Variants in BCKDHB observed in about 807,000 individuals in gnomAD.
The protein encoded by BCKDHB is 2-oxoisovalerate dehydrogenase subunit beta, mitochondrial.
Under a neutral mutation model 48.5 loss-of-function variants are expected in BCKDHB, and 41 were observed. That is an observed-to-expected ratio of 0.85 (90% CI 0.66 to 1.10). BCKDHB has a LOEUF of 1.10. Among genes scored for constraint, BCKDHB ranks in the 50% least tolerant of loss-of-function variants. The pLI, the probability that BCKDHB is intolerant of heterozygous loss-of-function variation, is 0.00. For synonymous variants in BCKDHB, 201 were observed against 174.8 expected (o/e 1.15, Z -1.18); for missense variants, 496 against 494.2 (o/e 1.00, Z -0.03).
chr6:80,211,829 G>A (rs1774948250), intron 8 of BCKDHB, among the ~76,000 whole-genome samples: 1 of 152,086 alleles, frequency 6.6e-6, no homozygotes, highest in African/African-American at 2.4e-5. Flanking sequence ...GGCCACCGGG[G>A]GTGACATCAC....
chr6:80,434,377 A>G, the BCKDHB span, among the ~76,000 whole-genome samples: 1 of 151,574 alleles, frequency 6.6e-6, no homozygotes, highest in Non-Finnish European at 1.5e-5. Flanking sequence ...AAAGTAGAGT[A>G]TTATTTTAAT....
the BCKDHB span, among the ~76,000 whole-genome samples, chr6:80,438,831 A>C: frequency 1.3e-5 from 2 of 152,220 alleles, no homozygotes; most frequent in Non-Finnish European, 2.9e-5. Context: ...AAAGGATCCA[A>C]AATACAGTGG....
At chr6:80,351,885 G>A in the BCKDHB span, among the ~76,000 whole-genome samples, 28 of 149,880 alleles carry the variant, frequency 1.9e-4, no homozygotes, top group African/African-American at 5.9e-4. Flanking sequence ...GCAATGGCGC[G>A]ATCTCAGCTC....
chr6:80,183,302 A>T (rs913747682), intron 6 of BCKDHB, among the ~76,000 whole-genome samples: 1 of 152,156 alleles, frequency 6.6e-6, no homozygotes, highest in Non-Finnish European at 1.5e-5. Context: ...GGCAAGACTC[A>T]ATAAAGTAAC....
At chr6:80,204,416 C>T (rs1290368689) in intron 8 of BCKDHB, among the ~76,000 whole-genome samples, 11 of 152,072 alleles carry the variant, frequency 7.2e-5, no homozygotes, top group South Asian at 4.1e-4. Flanking sequence ...ATGAAAATAA[C>T]GCTTTTTGCA....
intron 9 of BCKDHB, among the ~76,000 whole-genome samples, chr6:80,326,449 G>A (rs1769034029): frequency 6.6e-6 from 1 of 152,154 alleles, no homozygotes; most frequent in African/African-American, 2.4e-5. Flanking sequence ...ATAGGTTATA[G>A]GAGCAAGAAA....
intron 3 of BCKDHB, among the ~76,000 whole-genome samples, chr6:80,137,394 T>C: frequency 6.6e-6 from 1 of 152,272 alleles, no homozygotes. Flanking sequence ...TATTTCTCTA[T>C]TTATTTGTTT....
At chr6:80,300,512 GT>G (rs1385925976) in intron 9 of BCKDHB, among the ~76,000 whole-genome samples, 2 of 152,204 alleles carry the variant, frequency 1.3e-5, no homozygotes, top group African/African-American at 4.8e-5. Flanking sequence ...TCATAAAACA[GT>G]TTCTTCTTGG....
the BCKDHB span, among the ~76,000 whole-genome samples, chr6:80,441,417 A>C: frequency 6.6e-6 from 1 of 152,166 alleles, no homozygotes; most frequent in African/African-American, 2.4e-5. Context: ...AAACTGAAAG[A>C]GGTTAATATC....
chr6:80,326,078 C>A (rs1183707654), intron 9 of BCKDHB, among the ~76,000 whole-genome samples: 1 of 152,102 alleles, frequency 6.6e-6, no homozygotes, highest in South Asian at 2.1e-4. Flanking sequence ...GTGACAAATA[C>A]ACTATATTAG....
intron 1 of BCKDHB, among the ~76,000 whole-genome samples, chr6:80,107,514 CATATAT>C (rs71668410): frequency 4.1e-5 from 1 of 24,664 alleles, no homozygotes; most frequent in Non-Finnish European, 8.7e-5. Flanking sequence ...TATATGTGCG[CATATAT>C]ATATATATGC....
Position 80,257,170 on chromosome 6 carries a change from A to G in BCKDHB, c.952-15965A>G, listed in dbSNP as rs114291857. ...CTGCTATGCACTGATGCCCTGAAGC[A>G]CAGCAGTGAAAAAACAGTCTGTCCT... On this transcript the variant is annotated intron_variant, in intron 8 of 9. Coordinates refer to ENST00000320393, the MANE Select transcript of BCKDHB (RefSeq NM_183050.4). 9.9e-3 allele frequency among the ~76,000 whole-genome samples: 1,512 copies of G among 152,226 alleles called. 23 individuals carry two copies. Among genetic ancestry groups the G allele is most frequent in the African/African-American group, 0.035 (1,435 of 41,548 alleles).
At chr6:80,219,799 G>A (rs193280561) in intron 8 of BCKDHB, among the ~76,000 whole-genome samples, 97 of 152,262 alleles carry the variant, frequency 6.4e-4, no homozygotes, top group African/African-American at 2.3e-3. Context: ...AGTATTCTAG[G>A]TTCACAGTAA....
At chr6:80,302,156 C>G (rs1251946532) in intron 9 of BCKDHB, among the ~76,000 whole-genome samples, 1 of 152,098 alleles carries the variant, frequency 6.6e-6, no homozygotes, top group Non-Finnish European at 1.5e-5. Flanking sequence ...CCAGAGCAAT[C>G]AGGCAAGAGA....
intron 8 of BCKDHB, among the ~76,000 whole-genome samples, chr6:80,260,843 T>A (rs1199261558): frequency 2.0e-5 from 3 of 152,160 alleles, no homozygotes; most frequent in Non-Finnish European, 2.9e-5. Context: ...TGGGCAAAGA[T>A]AACATAACAG....
At chr6:80,247,398 C>T (rs1283627804) in intron 8 of BCKDHB, among the ~76,000 whole-genome samples, 1 of 152,206 alleles carries the variant, frequency 6.6e-6, no homozygotes, top group African/African-American at 2.4e-5. Flanking sequence ...AAGAAGAATA[C>T]TCAATCAGCT....
intron 8 of BCKDHB, among the ~76,000 whole-genome samples, chr6:80,258,358 G>A (rs1316864771): frequency 6.6e-6 from 1 of 152,164 alleles, no homozygotes; most frequent in Non-Finnish European, 1.5e-5. Flanking sequence ...GGGTTTGAAG[G>A]GGCAATGGGT....
At chr6:80,232,033 C>T (rs575427542) in intron 8 of BCKDHB, among the ~76,000 whole-genome samples, 2 of 152,190 alleles carry the variant, frequency 1.3e-5, no homozygotes, top group African/African-American at 4.8e-5. Context: ...TTCCAATAAA[C>T]CTTTTAAAAT....
chr6:80,373,529 A>G, the BCKDHB span, among the ~76,000 whole-genome samples: 1 of 151,826 alleles, frequency 6.6e-6, no homozygotes, highest in Admixed American at 6.6e-5. Flanking sequence ...TAGTTCCTTG[A>G]GGTATGAGCT....
Sources: allele counts gnomAD v4.1 joint callset (sites outside exome capture counted in the v4.1 genomes callset), GRCh38; gene constraint gnomAD v4.1.1; transcripts MANE v1.5; gene names NCBI Gene and HGNC (gene_info 2026-07-23, HGNC 2026-07-21).